The following PLCB4 variants were observed in gnomAD, a reference collection of about 807,000 sequenced individuals.
PLCB4 encodes the protein phospholipase C beta 4.
A neutral mutation model predicts 178.8 loss-of-function variants in PLCB4; 77 were observed. That is an observed-to-expected ratio of 0.43 (90% CI 0.36 to 0.52). The LOEUF (loss-of-function observed/expected upper bound fraction) is 0.52, where lower values mean the gene tolerates loss of function less well. Ranked by LOEUF, PLCB4 falls within the 20% of genes least tolerant of loss-of-function variation. The pLI is 0.00. For synonymous variants in PLCB4, 496 were observed against 490.8 expected, an observed-to-expected ratio of 1.01 and a Z score of -0.14; for missense variants, 1,024 against 1,453.4, an observed-to-expected ratio of 0.70 and a Z score of 4.80.
chr20:9,280,620 T>C (rs2094486646), intron 3 of PLCB4: 2 of 179,472 alleles, frequency 1.1e-5, no homozygotes, highest in Non-Finnish European at 2.1e-5. Context: ...CAAACACCTA[T>C]GTTTGTGACT....
intron 4 of PLCB4, among the ~76,000 whole-genome samples, chr20:9,309,718 T>C (rs750930648): frequency 6.6e-6 from 1 of 152,198 alleles, no homozygotes; most frequent in African/African-American, 2.4e-5. Flanking sequence ...CCTACTGTTA[T>C]GTAAGAAAAA....
At chr20:9,173,625 G>A (rs767643849) in intron 2 of PLCB4, among the ~76,000 whole-genome samples, 6 of 152,076 alleles carry the variant, frequency 3.9e-5, no homozygotes, top group Non-Finnish European at 7.4e-5. Flanking sequence ...TGCACATCCC[G>A]TGACTATGGC....
intron 1 of PLCB4, among the ~76,000 whole-genome samples, chr20:9,072,484 A>G (rs1248647558): frequency 6.6e-6 from 1 of 152,006 alleles, no homozygotes; most frequent in Non-Finnish European, 1.5e-5. Context: ...TATAAAAATG[A>G]GTTTACTTCC....
chr20:9,158,754 G>A (rs1360888306), intron 2 of PLCB4, among the ~76,000 whole-genome samples: 2 of 152,120 alleles, frequency 1.3e-5, no homozygotes, highest in Non-Finnish European at 2.9e-5. Flanking sequence ...AAAACCCTGC[G>A]TCAGAGGACG....
chr20:9,219,639 C>A (rs1200609115), intron 3 of PLCB4, among the ~76,000 whole-genome samples: 1 of 152,192 alleles, frequency 6.6e-6, no homozygotes, highest in Non-Finnish European at 1.5e-5. Context: ...AGAATCCTTC[C>A]ATATGTCCCT....
At chr20:9,414,707 AGT>A (rs745334991) in intron 25 of PLCB4, among the ~76,000 whole-genome samples, 1 of 152,196 alleles carries the variant, frequency 6.6e-6, no homozygotes, top group Non-Finnish European at 1.5e-5. Context: ...GGGCCCAATA[AGT>A]GTGAATGTTA....
Position 9,428,421 on chromosome 20 carries a change from A to C in PLCB4, c.2524+4469A>C, listed in dbSNP as rs75368338. Reference sequence around the variant, plus strand: ...GAAATTGCTAGACTAAGCAAATTTAAACAGGCTTATCTATTGCATGGCTCC... The same window carrying C: ...GAAATTGCTAGACTAAGCAAATTTACACAGGCTTATCTATTGCATGGCTCC... On this transcript the variant is annotated intron_variant, in intron 28 of 39. Coordinates refer to ENST00000378473, the MANE Select transcript of PLCB4 (RefSeq NM_001377142.1). Among the ~76,000 whole-genome samples the C allele has an allele frequency of 1.4e-3, 218 of 152,344 alleles. 1 individual carries two copies. The highest frequency in any genetic ancestry group is 5.0e-3 in the African/African-American group (208 of 41,576).
chr20:9,263,257 C>T (rs1303892490), intron 3 of PLCB4, among the ~76,000 whole-genome samples: 1 of 152,152 alleles, frequency 6.6e-6, no homozygotes, highest in East Asian at 1.9e-4. Flanking sequence ...TCTGATAATA[C>T]TTGTCAAGGA....
Position 9,435,565 on chromosome 20 carries a change from G to A in PLCB4, c.2530G>A (p.Val844Met), listed in dbSNP as rs768029939. Residue 844 changes from valine (V) to methionine (M), a missense_variant, in exon 29 of 40, where the codon GTG becomes ATG. Coordinates refer to ENST00000378473, the MANE Select transcript of PLCB4 (RefSeq NM_001377142.1). The stretch of plus-strand genomic sequence containing the variant: ...TGGGTTTTTTTTTCCCCTAGATATC[G>A]TGGATGCTTTATCAGATCCAAAGAA... ...TYVPDGFGDI[V>M]DALSDPKKFL... 4.4e-6 allele frequency: 7 copies of A among 1,587,538 alleles called. No individual in the cohort carries two copies. Among genetic ancestry groups the A allele is most frequent in the South Asian group, 2.2e-5 (2 of 89,886 alleles).
At chr20:9,119,527 A>AC (rs1260753059) in intron 2 of PLCB4, among the ~76,000 whole-genome samples, 4 of 151,828 alleles carry the variant, frequency 2.6e-5, no homozygotes, top group African/African-American at 9.7e-5. Flanking sequence ...AGAAAAAAAA[A>AC]AAAAACAAAG....
At chr20:9,087,561 C>A (rs976335743) in intron 1 of PLCB4, among the ~76,000 whole-genome samples, 2 of 152,168 alleles carry the variant, frequency 1.3e-5, no homozygotes, top group Non-Finnish European at 2.9e-5. Flanking sequence ...TAGCTTCTCC[C>A]CTTTTTTCAT....
At position 9,384,152 on chromosome 20, in the gene PLCB4, A is replaced by G. The variant is rs2076234; in HGVS notation, c.854-49A>G. The G allele has an allele frequency of 0.18, 232,651 of 1,314,826 alleles. 27,891 individuals are homozygous for G. Among genetic ancestry groups the G allele is most frequent in the African/African-American group, 0.59 (40,837 of 69,134 alleles). The allele number at this position is 1,314,826 out of a possible 1,614,324, so 81.4% of individuals were successfully genotyped here. ...AGCTTCCATGAATAAAACATGAGATATGCATCTTCAGAGCTACAAGTGCTA... is the reference window on the plus strand; with the variant it reads ...AGCTTCCATGAATAAAACATGAGATGTGCATCTTCAGAGCTACAAGTGCTA... On this transcript the variant is annotated intron_variant, in intron 13 of 39. Transcript: ENST00000378473.
chr20:9,181,823 G>A (rs1227441591), intron 2 of PLCB4, among the ~76,000 whole-genome samples: 2 of 152,048 alleles, frequency 1.3e-5, no homozygotes, highest in African/African-American at 4.8e-5. Flanking sequence ...AATCTCACTA[G>A]GACAACAAAG....
intron 4 of PLCB4, among the ~76,000 whole-genome samples, chr20:9,314,077 A>G (rs2094869665): frequency 6.6e-6 from 1 of 152,200 alleles, no homozygotes; most frequent in African/African-American, 2.4e-5. Context: ...GGGCATGAGT[A>G]TGACAGCACA....
At chr20:9,476,391 A>T (rs2044544378) in intron 38 of PLCB4, among the ~76,000 whole-genome samples, 1 of 152,198 alleles carries the variant, frequency 6.6e-6, no homozygotes, top group Non-Finnish European at 1.5e-5. Flanking sequence ...CGAGTCTCAA[A>T]AATTGATTTT....
chr20:9,467,153 A>C (rs2043842422), intron 35 of PLCB4, among the ~76,000 whole-genome samples: 1 of 152,218 alleles, frequency 6.6e-6, no homozygotes, highest in African/African-American at 2.4e-5. Context: ...GCTGGAAACC[A>C]TCATTCTCAG....
rs148361010 is a variant in PLCB4 at position 9,083,794 on chromosome 20, G to A, written c.-134-12493G>A. On this transcript the variant is annotated intron_variant, in intron 1 of 39. Transcript: ENST00000378473. ...CAGAGGAAAGGCCATATGAGGACAC[G>A]GGAGAAGGTAGCAGTCGTCAAGCCA... Among the ~76,000 whole-genome samples the A allele has an allele frequency of 4.3e-4, 65 of 152,286 alleles. 1 individual carries two copies. Among genetic ancestry groups the A allele is most frequent in the African/African-American group, 1.1e-3 (47 of 41,554 alleles).
chr20:9,139,761 A>G (rs1212533276), intron 2 of PLCB4, among the ~76,000 whole-genome samples: 1 of 152,018 alleles, frequency 6.6e-6, no homozygotes, highest in African/African-American at 2.4e-5. Flanking sequence ...ACCAGCCACC[A>G]CTATTCACGG....
At chr20:9,400,904 A>T (rs1332916866) in intron 19 of PLCB4, among the ~76,000 whole-genome samples, 2 of 152,050 alleles carry the variant, frequency 1.3e-5, no homozygotes, top group African/African-American at 4.8e-5. Flanking sequence ...TTCTCCTCCT[A>T]CCTGAGCCTG....
Sources: gnomAD v4.1 joint callset for allele counts (sites outside exome capture counted in the v4.1 genomes callset) on GRCh38, gnomAD v4.1.1 for gene constraint, MANE v1.5 for transcripts, NCBI Gene and HGNC (gene_info 2026-07-23, HGNC 2026-07-21) for gene names.